SCARB2: variants seen among roughly 807,000 people sequenced by gnomAD.
SCARB2 encodes lysosome membrane protein 2.
Under a neutral mutation model 58.6 loss-of-function variants are expected in SCARB2, and 29 were observed. The ratio of observed to expected loss-of-function variants is 0.49; its 90% confidence interval spans 0.37 to 0.67. The LOEUF (loss-of-function observed/expected upper bound fraction) is 0.67, where lower values mean the gene tolerates loss of function less well. Among genes scored for constraint, SCARB2 ranks in the 30% least tolerant of loss-of-function variants. The probability of loss-of-function intolerance (pLI) is 0.00; values close to 1 mark genes in which losing one functional copy is unlikely to be tolerated. For synonymous variants in SCARB2, 195 were observed against 210.1 expected (o/e 0.93, Z 0.62); for missense variants, 488 against 578.5 (o/e 0.84, Z 1.60).
At chr4:76,173,635 G>A (rs1732181126) in intron 7 of SCARB2, 1 of 169,572 alleles carries the variant, frequency 5.9e-6, no homozygotes, top group African/African-American at 2.4e-5. Flanking sequence ...ACCGTGCCCA[G>A]CCTTAGCATT....
intron 1 of SCARB2, among the ~76,000 whole-genome samples, chr4:76,199,245 C>T (rs1011451998): frequency 1.3e-5 from 2 of 152,206 alleles, no homozygotes; most frequent in African/African-American, 4.8e-5. Flanking sequence ...TTTACTCACC[C>T]ATCCAGCAGC....
intron 1 of SCARB2, among the ~76,000 whole-genome samples, chr4:76,211,298 C>T (rs954434861): frequency 2.0e-5 from 3 of 152,128 alleles, no homozygotes; most frequent in Non-Finnish European, 4.4e-5. Context: ...ATCACTGTGC[C>T]CAAGTTAGCT....
At chr4:76,179,471 C>T in intron 4 of SCARB2, 46 bp downstream of exon 4, 1 of 1,397,244 alleles carries the variant, frequency 7.2e-7, no homozygotes, top group Non-Finnish European at 1.0e-6. Flanking sequence ...TGCCCCAACC[C>T]ACTGTCAGCT....
upstream of SCARB2, among the ~76,000 whole-genome samples, chr4:76,215,351 A>AGG (rs1423981249): frequency 1.3e-5 from 2 of 152,308 alleles, no homozygotes; most frequent in Admixed American, 1.3e-4. Flanking sequence ...ACCAGGATGT[A>AGG]GGGCTGGCTG....
At chr4:76,220,148 T>C (rs981675417) in intron 1 of SCARB2, among the ~76,000 whole-genome samples, 1 of 152,158 alleles carries the variant, frequency 6.6e-6, no homozygotes, top group Non-Finnish European at 1.5e-5. Context: ...CTAGCAACTC[T>C]CTTCCTAGGT....
At chr4:76,183,083 A>G (rs1418541549) in intron 2 of SCARB2, among the ~76,000 whole-genome samples, 5 of 152,238 alleles carry the variant, frequency 3.3e-5, no homozygotes, top group East Asian at 1.9e-4. Context: ...ATGCATTCAT[A>G]TAGATGCATA....
chr4:76,208,012 T>A lies in SCARB2; in HGVS notation c.117+5415A>T, dbSNP rs545642574. On this transcript the variant is annotated intron_variant, in intron 1 of 11. Coordinates refer to ENST00000264896, the MANE Select transcript of SCARB2 (RefSeq NM_005506.4). ...ACTATACAAATATAAACACCTTTTTTAAAAATGCATATTCCCAAAATTGCA... is the reference window on the plus strand; with the variant it reads ...ACTATACAAATATAAACACCTTTTTAAAAAATGCATATTCCCAAAATTGCA... Among the ~76,000 whole-genome samples the A allele has an allele frequency of 1.1e-4, 17 of 152,360 alleles. No homozygotes were observed. In the East Asian group the frequency reaches 3.3e-3, roughly 29 times the overall value.
At chr4:76,178,716 C>T (rs759948043) in intron 4 of SCARB2, among the ~76,000 whole-genome samples, 2 of 152,144 alleles carry the variant, frequency 1.3e-5, no homozygotes, top group African/African-American at 2.4e-5. Context: ...GTTGGTGAGG[C>T]CCTACTTTTA....
chr4:76,234,484 CAGAGTCCCT>C (rs1733549999), exon 1 of SCARB2: 1 of 152,196 alleles, frequency 6.6e-6, no homozygotes, highest in Admixed American at 6.5e-5. Context: ...CTTGCTAGGC[CAGAGTCCCT>C]GCTAGAATGC....
chr4:76,161,353 T>C lies in SCARB2; in HGVS notation c.*360A>G, dbSNP rs191570847. ...AGTTCGGTGAATGAAGCATACTGAATGAAGTTAGACCAGTAGCATTAACAA... is the reference window on the plus strand; with the variant it reads ...AGTTCGGTGAATGAAGCATACTGAACGAAGTTAGACCAGTAGCATTAACAA... On this transcript the variant is annotated 3_prime_UTR_variant, in exon 12 of 12. Coordinates refer to ENST00000264896, the MANE Select transcript of SCARB2 (RefSeq NM_005506.4). 1 of 306,732 alleles carries C rather than the reference T, an allele frequency of 3.3e-6. No homozygotes were observed. Among genetic ancestry groups the C allele is most frequent in the African/African-American group, 2.1e-5 (1 of 46,894 alleles). 19.0% of individuals were successfully genotyped at this position (306,732 alleles called of 1,614,324 possible). A position where few individuals can be genotyped will look rare whatever the true frequency, so the allele number is the denominator to read the frequency against.
chr4:76,192,928 A>C (rs535356968), intron 2 of SCARB2: 10 of 152,352 alleles, frequency 6.6e-5, no homozygotes, highest in African/African-American at 2.2e-4. Context: ...AACGATTTGC[A>C]TAACTAAAAA....
intron 1 of SCARB2, among the ~76,000 whole-genome samples, chr4:76,225,264 T>C (rs1285248358): frequency 6.6e-6 from 1 of 152,226 alleles, no homozygotes; most frequent in Non-Finnish European, 1.5e-5. Flanking sequence ...TGCAAGTGTC[T>C]TTTTCATATG....
rs561778971 is a variant in SCARB2 at position 76,185,422 on chromosome 4, T to A, written c.276-4321A>T. Among the ~76,000 whole-genome samples, 3 of 152,214 alleles carry A rather than the reference T, an allele frequency of 2.0e-5. No individual in the cohort carries two copies. The South Asian group carries it at 6.2e-4, about 32-fold the overall frequency. ...TTAATCAAGGAACTATACTTAAAAGTGCCCGGCATGGTCCCTGGTATTTAG... is the reference window on the plus strand; with the variant it reads ...TTAATCAAGGAACTATACTTAAAAGAGCCCGGCATGGTCCCTGGTATTTAG... On this transcript the variant is annotated intron_variant, in intron 2 of 11. Transcript: ENST00000264896.
intron 1 of SCARB2, among the ~76,000 whole-genome samples, chr4:76,196,738 C>T (rs1161495840): frequency 2.6e-5 from 4 of 152,214 alleles, no homozygotes; most frequent in Non-Finnish European, 5.9e-5. Flanking sequence ...GTTTCAAAAA[C>T]CAGGAGGCCT....
At position 76,159,282 on chromosome 4, in the gene SCARB2, G is replaced by A. The variant is rs1378530984; in HGVS notation, c.*2431C>T. On this transcript the variant is annotated 3_prime_UTR_variant, in exon 12 of 12. Coordinates refer to ENST00000264896, the MANE Select transcript of SCARB2 (RefSeq NM_005506.4). ...TCTAAGATAACTGCCGCAAGAAAAT[G>A]AGCATGAGAAATAATTCATCTTCAA... 2 of 152,242 alleles carry A rather than the reference G, an allele frequency of 1.3e-5. No individual in the cohort carries two copies. The highest frequency in any genetic ancestry group is 4.8e-5 in the African/African-American group (2 of 41,452). 9.4% of individuals were successfully genotyped at this position (152,242 alleles called of 1,614,324 possible). A position where few individuals can be genotyped will look rare whatever the true frequency, so the allele number is the denominator to read the frequency against.
chr4:76,224,055 T>G (rs778131411), intron 1 of SCARB2, among the ~76,000 whole-genome samples: 2 of 152,152 alleles, frequency 1.3e-5, no homozygotes, highest in African/African-American at 2.4e-5. Flanking sequence ...GAAAGACAAT[T>G]TATTATTGAA....
chr4:76,199,134 T>TA (rs894351970), intron 1 of SCARB2, among the ~76,000 whole-genome samples: 1 of 152,102 alleles, frequency 6.6e-6, no homozygotes, highest in African/African-American at 2.4e-5. Context: ...CACTACAAAA[T>TA]AAAAATCCCC....
At chr4:76,162,197 GTC>G in intron 11 of SCARB2, 1 of 182,976 alleles carries the variant, frequency 5.5e-6, no homozygotes, top group Non-Finnish European at 1.2e-5. Flanking sequence ...ACTGCATAAA[GTC>G]ACACTGGAAG....
intron 1 of SCARB2, among the ~76,000 whole-genome samples, chr4:76,208,370 G>A (rs1185012133): frequency 6.6e-6 from 1 of 152,224 alleles, no homozygotes; most frequent in Non-Finnish European, 1.5e-5. Flanking sequence ...TTAGGAGTTA[G>A]AGAATCTTGC....
Sources: allele counts gnomAD v4.1 joint callset (sites outside exome capture counted in the v4.1 genomes callset), GRCh38; gene constraint gnomAD v4.1.1; transcripts MANE v1.5; gene names NCBI Gene and HGNC (gene_info 2026-07-23, HGNC 2026-07-21).